Variants in TNKS observed in about 807,000 individuals in gnomAD.
The protein encoded by TNKS is poly [ADP-ribose] polymerase tankyrase-1.
In TNKS, 72 loss-of-function variants were observed where a neutral mutation model predicts 135.8. The observed-to-expected ratio is 0.53, with a 90% confidence interval of 0.44 to 0.64. TNKS has a LOEUF of 0.64. TNKS is among the 30% of genes least tolerant of loss of function. The pLI is 0.00. For synonymous variants in TNKS, 849 were observed against 649.3 expected (o/e 1.31, Z -4.68); for missense variants, 1,769 against 1,674.0 (o/e 1.06, Z -0.99).
chr8:9,630,421 A>G (rs1265201118), intron 3 of TNKS, among the ~76,000 whole-genome samples: 3 of 152,210 alleles, frequency 2.0e-5, no homozygotes, highest in South Asian at 2.1e-4. Flanking sequence ...GGGACCTTTG[A>G]TAAGTTGTCT....
intron 2 of TNKS, among the ~76,000 whole-genome samples, chr8:9,601,568 C>A (rs567016245): frequency 6.6e-6 from 1 of 152,076 alleles, no homozygotes; most frequent in Non-Finnish European, 1.5e-5. Flanking sequence ...AGGGGAATGT[C>A]TGGGAGACAG....
In TNKS at chr8:9,704,605, C is replaced by A; in HGVS notation, c.1108-58C>A. On this transcript the variant is annotated intron_variant, in intron 5 of 26. Transcript: ENST00000310430. ...TGTGTTTAAATCTGAAATGGCAAAG[C>A]AAGGATTTTCTTTGTTTGTTTGTTT... The A allele has an allele frequency of 2.1e-6, 3 of 1,404,352 alleles. No homozygotes were observed. In the Admixed American group the frequency reaches 5.3e-5, roughly 25 times the overall value. The allele number at this position is 1,404,352 out of a possible 1,614,324, so 87.0% of individuals were successfully genotyped here.
chr8:9,666,379 G>C (rs1189170241), intron 3 of TNKS, among the ~76,000 whole-genome samples: 3 of 152,126 alleles, frequency 2.0e-5, no homozygotes, highest in East Asian at 1.9e-4. Flanking sequence ...AATATATAAA[G>C]AGATTAATTT....
At chr8:9,740,301 C>G (rs1178995830) in intron 17 of TNKS, among the ~76,000 whole-genome samples, 1 of 152,142 alleles carries the variant, frequency 6.6e-6, no homozygotes, top group Non-Finnish European at 1.5e-5. Context: ...CCAGTTCATA[C>G]GTACCAGGTG....
intron 5 of TNKS, among the ~76,000 whole-genome samples, chr8:9,687,571 A>G (rs1057499780): frequency 6.6e-6 from 1 of 152,220 alleles, no homozygotes; most frequent in African/African-American, 2.4e-5. Flanking sequence ...GGTAATTAGT[A>G]CCAATGCCAA....
At chr8:9,645,674 A>G (rs1800894249) in intron 3 of TNKS, among the ~76,000 whole-genome samples, 1 of 152,178 alleles carries the variant, frequency 6.6e-6, no homozygotes, top group African/African-American at 2.4e-5. Context: ...TCAACTTAAA[A>G]TATTTCCAGT....
chr8:9,694,653 T>G (rs1483448512), intron 5 of TNKS, among the ~76,000 whole-genome samples: 1 of 151,538 alleles, frequency 6.6e-6, no homozygotes, highest in African/African-American at 2.4e-5. Context: ...TCCCAGCTGC[T>G]TGGGAGGCTG....
chr8:9,779,145 A>G lies in TNKS; in HGVS notation c.*2409A>G, dbSNP rs1372295048. The G allele has an allele frequency of 6.6e-6, 1 of 152,178 alleles. No individual in the cohort carries two copies. The highest frequency in any genetic ancestry group is 2.4e-5 in the African/African-American group (1 of 41,260). The allele number at this position is 152,178 out of a possible 1,614,324, so 9.4% of individuals were successfully genotyped here. On this transcript the variant is annotated 3_prime_UTR_variant, in exon 27 of 27. Coordinates refer to ENST00000310430, the MANE Select transcript of TNKS (RefSeq NM_003747.3). ...TGCATATATTACTCATCTGCTTAAG[A>G]GAGTGGGTTAATGGATATATCAGAG... is the stretch of plus-strand genomic sequence containing the variant.
At chr8:9,698,641 A>G (rs1803644863) in intron 5 of TNKS, among the ~76,000 whole-genome samples, 2 of 152,196 alleles carry the variant, frequency 1.3e-5, no homozygotes, top group African/African-American at 4.8e-5. Context: ...AGGATTTAAA[A>G]GCCTTTATTC....
intron 2 of TNKS, among the ~76,000 whole-genome samples, chr8:9,591,731 T>A (rs557570624): frequency 3.9e-5 from 6 of 152,260 alleles, no homozygotes; most frequent in African/African-American, 1.4e-4. Flanking sequence ...CTTAATGGTA[T>A]CTGTATACAG....
intron 2 of TNKS, among the ~76,000 whole-genome samples, chr8:9,605,233 A>G (rs919341163): frequency 4.6e-5 from 7 of 152,022 alleles, no homozygotes; most frequent in African/African-American, 1.7e-4. Flanking sequence ...GACATTATAG[A>G]TTAATTTTCC....
At chr8:9,655,934 C>G (rs902188656) in intron 3 of TNKS, among the ~76,000 whole-genome samples, 3 of 152,134 alleles carry the variant, frequency 2.0e-5, no homozygotes, top group Non-Finnish European at 2.9e-5. Flanking sequence ...TTCAGAAGAT[C>G]AAACTATTCC....
At chr8:9,688,205 C>A (rs960373676) in intron 5 of TNKS, among the ~76,000 whole-genome samples, 2 of 152,142 alleles carry the variant, frequency 1.3e-5, no homozygotes, top group Admixed American at 1.3e-4. Context: ...TTTGAACAGA[C>A]TGTTCAGTTA....
At chr8:9,570,916 C>T (rs1001605559) in intron 1 of TNKS, among the ~76,000 whole-genome samples, 5 of 152,180 alleles carry the variant, frequency 3.3e-5, no homozygotes, top group Non-Finnish European at 5.9e-5. Flanking sequence ...TTGCAGTGAG[C>T]TCTGATCATG....
In TNKS at chr8:9,636,165, G is replaced by A. The variant is rs1040974046; in HGVS notation, c.994+20488G>A. Among the ~76,000 whole-genome samples the A allele has an allele frequency of 2.6e-5, 4 of 152,192 alleles. No homozygotes were observed. In the East Asian group the frequency reaches 7.7e-4, roughly 29 times the overall value. On this transcript the variant is annotated intron_variant, in intron 3 of 26. Coordinates refer to ENST00000310430, the MANE Select transcript of TNKS (RefSeq NM_003747.3). ...TATACCTATGTGCATAAACATAAGC[G>A]AGAGGATATAAAGCACATGGGCAGA... is the stretch of plus-strand genomic sequence containing the variant.
At chr8:9,727,141 T>C (rs1351695001) in intron 13 of TNKS, among the ~76,000 whole-genome samples, 2 of 152,206 alleles carry the variant, frequency 1.3e-5, no homozygotes, top group Admixed American at 6.5e-5. Flanking sequence ...TGATCTTTTC[T>C]CAGAGGTTCA....
chr8:9,690,715 T>TA (rs1803227175), intron 5 of TNKS, among the ~76,000 whole-genome samples: 1 of 152,124 alleles, frequency 6.6e-6, no homozygotes, highest in Admixed American at 6.6e-5. Context: ...AATAAATAAA[T>TA]AAATAATGTT....
intron 8 of TNKS, among the ~76,000 whole-genome samples, chr8:9,708,121 C>G (rs536287344): frequency 6.6e-6 from 1 of 152,090 alleles, no homozygotes; most frequent in Middle Eastern, 3.2e-3. Flanking sequence ...AATTTTGCTG[C>G]AATAAGTATC....
intron 3 of TNKS, among the ~76,000 whole-genome samples, chr8:9,660,085 G>T (rs1801622307): frequency 6.6e-6 from 1 of 152,130 alleles, no homozygotes; most frequent in South Asian, 2.1e-4. Flanking sequence ...TGAAATTGAG[G>T]CAATAATTAA....
Sources: allele counts gnomAD v4.1 joint callset (sites outside exome capture counted in the v4.1 genomes callset), GRCh38; gene constraint gnomAD v4.1.1; transcripts MANE v1.5; gene names NCBI Gene and HGNC (gene_info 2026-07-23, HGNC 2026-07-21).